Variants in GRAMD1A observed in about 807,000 individuals in gnomAD.
The protein encoded by GRAMD1A is GRAM domain containing 1A.
Under a neutral mutation model 92.0 loss-of-function variants are expected in GRAMD1A, and 50 were observed. The ratio of observed to expected loss-of-function variants is 0.54; its 90% CI spans 0.43 to 0.69. GRAMD1A has a LOEUF of 0.69. Ranked by LOEUF, GRAMD1A falls within the 30% of genes least tolerant of loss-of-function variation. The probability of loss-of-function intolerance (pLI) is 0.00; values close to 1 mark genes in which losing one functional copy is unlikely to be tolerated. For synonymous variants in GRAMD1A, 405 were observed against 403.6 expected (o/e 1.00, Z -0.04); for missense variants, 819 against 978.9 (o/e 0.84, Z 2.18).
upstream of GRAMD1A, among the ~76,000 whole-genome samples, chr19:34,997,354 G>A (rs1467905289): frequency 2.2e-5 from 3 of 136,966 alleles, no homozygotes; most frequent in African/African-American, 8.2e-5. Flanking sequence ...CCATGTGAAA[G>A]GTATTTCCTG....
chr19:35,007,480 C>A (rs1168720728), intron 1 of GRAMD1A, among the ~76,000 whole-genome samples: 1 of 152,130 alleles, frequency 6.6e-6, no homozygotes, highest in East Asian at 1.9e-4. Flanking sequence ...ATCGCTTGAA[C>A]CTGGGAGGTG....
chr19:34,995,162 CTCTG>C (rs1396011272), intron 1 of GRAMD1A, among the ~76,000 whole-genome samples: 1 of 152,364 alleles, frequency 6.6e-6, no homozygotes, highest in African/African-American at 2.4e-5. Flanking sequence ...GATTCGGCCT[CTCTG>C]TCTGTCCGGC....
At chr19:35,005,352 T>G (rs2014731350) in intron 1 of GRAMD1A, among the ~76,000 whole-genome samples, 1 of 150,940 alleles carries the variant, frequency 6.6e-6, no homozygotes, top group Non-Finnish European at 1.5e-5. Flanking sequence ...AGGGAAGGTG[T>G]CCACTGAGCA....
In GRAMD1A at chr19:35,015,845, C is replaced by T. The variant is rs2015585398; in HGVS notation, c.1091C>T (p.Pro364Leu). 3 of 1,613,910 alleles carry T rather than the reference C, an allele frequency of 1.9e-6. No homozygotes were observed. The highest frequency in any genetic ancestry group is 2.7e-5 in the African/African-American group (2 of 74,924). ...GEEADLAALLPDLSGRLLINS... is the reference protein window; with the variant it reads ...GEEADLAALLLDLSGRLLINS... Reference sequence around the variant, plus strand: ...CCAGCGGACTTGGCTGCCCTGCTTCCCGACCTCTCCGGCCGCCTCCTCATC... The same window carrying T: ...CCAGCGGACTTGGCTGCCCTGCTTCTCGACCTCTCCGGCCGCCTCCTCATC... Residue 364 changes from proline to leucine, a missense_variant, in exon 11 of 20, where the codon CCC becomes CTC. Around this residue, in one of 3 missense-constraint regions of GRAMD1A, gnomAD observed 577 missense variants for 674.6 expected, o/e 0.86. Transcript: ENST00000317991.
chr19:35,013,402 G>C lies in GRAMD1A; in HGVS notation c.719+34G>C. The C allele has an allele frequency of 6.6e-7, 1 of 1,509,750 alleles. No individual in the cohort carries two copies. The highest frequency in any genetic ancestry group is 9.1e-7 in the Non-Finnish European group (1 of 1,099,192). The allele number at this position is 1,509,750 out of a possible 1,614,324, so 93.5% of individuals were successfully genotyped here. Reference sequence around the variant, plus strand: ...GAGGTCAAAGGAGGTTGAAGGGTTCGGGGGAGAACAGGACGGTCGGCGTGC... The same window carrying C: ...GAGGTCAAAGGAGGTTGAAGGGTTCCGGGGAGAACAGGACGGTCGGCGTGC... On this transcript the variant is annotated intron_variant, in intron 8 of 19. Coordinates refer to ENST00000317991, the MANE Select transcript of GRAMD1A (RefSeq NM_020895.5). The surrounding 1 kb of genome is among the most constrained non-coding windows in gnomAD (Gnocchi z 4.9).
At chr19:34,999,267 ACT>A (rs1342240549), upstream of GRAMD1A, 4 of 151,992 alleles carry the variant, frequency 2.6e-5, no homozygotes, top group Non-Finnish European at 5.9e-5. Flanking sequence ...GTCAGAAAAG[ACT>A]CTGAAGTTCT....
upstream of GRAMD1A, among the ~76,000 whole-genome samples, chr19:34,996,803 CAAAA>C (rs944025116): frequency 3.3e-5 from 2 of 60,460 alleles, no homozygotes; most frequent in Non-Finnish European, 3.6e-5. Context: ...GACTCTGTCT[CAAAA>C]AAAAAAAAAA....
chr19:35,019,293 C>A lies in GRAMD1A; in HGVS notation c.1316C>A (p.Ser439Tyr). Residue 439 changes from serine (S) to tyrosine (Y), a missense_variant, in exon 12 of 20, where the codon TCC becomes TAC. Physicochemically the swap from Ser to Tyr is moderately radical, Grantham distance 144 (BLOSUM62 -2). Coordinates refer to ENST00000317991, the MANE Select transcript of GRAMD1A (RefSeq NM_020895.5). ...AACCCACTGGGCCCCAAGAGCGCCTCCGTGGTGGAGACACAGGTGGGCCAG... is the reference window on the plus strand; with the variant it reads ...AACCCACTGGGCCCCAAGAGCGCCTACGTGGTGGAGACACAGGTGGGCCAG... ...ISNPLGPKSASVVETQTLFRR... is the reference protein window; with the variant it reads ...ISNPLGPKSAYVVETQTLFRR... 6.2e-7 allele frequency: 1 copy of A among 1,613,282 alleles called. No homozygotes were observed. The highest frequency in any genetic ancestry group is 8.5e-7 in the Non-Finnish European group (1 of 1,179,524).
intron 6 of GRAMD1A, 139 bp downstream of exon 6, chr19:35,010,518 G>C: frequency 4.5e-6 from 3 of 659,744 alleles, no homozygotes; most frequent in Non-Finnish European, 8.2e-6. Context: ...CGGCCCAGGC[G>C]CCCATCACCC....
Position 35,013,458 on chromosome 19 carries a change from T to G in GRAMD1A, c.720-83T>G. ...TCCTGGAGTGCTGGGGGGCCTGAGA[T>G]GGTTGTATGACGTCTGGAGGATTCA... is the stretch of plus-strand genomic sequence containing the variant. On this transcript the variant is annotated intron_variant, in intron 8 of 19. Coordinates refer to ENST00000317991, the MANE Select transcript of GRAMD1A (RefSeq NM_020895.5). This position sits in a 1 kb window ranked among gnomAD's most constrained non-coding sequence, Gnocchi z 4.9. 1 of 1,531,544 alleles carries G rather than the reference T, an allele frequency of 6.5e-7. No homozygotes were observed. Among genetic ancestry groups the G allele is most frequent in the Non-Finnish European group, 9.0e-7 (1 of 1,110,832 alleles). The allele number at this position is 1,531,544 out of a possible 1,614,324, so 94.9% of individuals were successfully genotyped here. A position where few individuals can be genotyped will look rare whatever the true frequency, so the allele number is the denominator to read the frequency against.
At chr19:35,011,751 A>T (rs1445050096) in intron 7 of GRAMD1A, among the ~76,000 whole-genome samples, 197 bp downstream of exon 7, 1 of 152,198 alleles carries the variant, frequency 6.6e-6, no homozygotes, top group Non-Finnish European at 1.5e-5. Flanking sequence ...AATTGGTGTA[A>T]ACCGTCGTAA....
In GRAMD1A at chr19:35,019,528, G is replaced by A. The variant is rs751796956; in HGVS notation, c.1470G>A (p.Arg490=). ...CILGLARNKA[R]LRVSSEIRYR... ...TGGGTCTGGCCCGGAACAAGGCGCG[G>A]CTCCGGTGAGTGGTGGCTGGGCCCC... The change falls in exon 13 of 20, where the codon CGG becomes CGA. Residue 490 remains arginine, a synonymous_variant. Coordinates refer to ENST00000317991, the MANE Select transcript of GRAMD1A (RefSeq NM_020895.5). 7.4e-6 allele frequency: 12 copies of A among 1,613,752 alleles called. No individual in the cohort carries two copies. Among genetic ancestry groups the A allele is most frequent in the Admixed American group, 1.7e-5 (1 of 60,000 alleles).
intron 1 of GRAMD1A, among the ~76,000 whole-genome samples, chr19:35,008,329 T>TTAAAA (rs906346285): frequency 4.0e-5 from 6 of 151,634 alleles, no homozygotes; most frequent in South Asian, 2.1e-4. Flanking sequence ...AGATTCCGTC[T>TTAAAA]TAAAATAAAA....
chr19:35,014,069 C>G, intron 9 of GRAMD1A, 120 bp from the exon 10 acceptor site: 1 of 942,458 alleles, frequency 1.1e-6, no homozygotes, highest in Non-Finnish European at 1.7e-6. Flanking sequence ...GCCGTGAGCC[C>G]TCGGTGCACA....
In GRAMD1A at chr19:35,021,983, G is replaced by A. The variant is rs1014196223; in HGVS notation, c.1786G>A (p.Val596Met). The change falls in exon 16 of 20, where the codon GTG becomes ATG. Residue 596 changes from valine (V) to methionine (M), a missense_variant. By Grantham distance (21) the Val-to-Met change is conservative. Transcript: ENST00000317991. The surrounding 1 kb of genome is among the most constrained non-coding windows in gnomAD (Gnocchi z 5.3). Reference sequence around the variant, plus strand: ...CAGCTCCCGCTTCTCCGAACCATCTGTGGACCAGGGCCCCGGGGCAGGCAT... The same window carrying A: ...CAGCTCCCGCTTCTCCGAACCATCTATGGACCAGGGCCCCGGGGCAGGCAT... Reference protein sequence around the residue: ...SLSSRFSEPSVDQGPGAGIPS... With the variant: ...SLSSRFSEPSMDQGPGAGIPS... The A allele has an allele frequency of 6.2e-7, 1 of 1,614,130 alleles. No individual in the cohort carries two copies. Among genetic ancestry groups the A allele is most frequent in the East Asian group, 2.2e-5 (1 of 44,874 alleles).
At chr19:35,002,251 G>A (rs965349005) in intron 1 of GRAMD1A, among the ~76,000 whole-genome samples, 2 of 152,020 alleles carry the variant, frequency 1.3e-5, no homozygotes, top group Admixed American at 6.6e-5. Flanking sequence ...CATGTGCCAC[G>A]CATTATTCCA....
At chr19:35,014,107 G>C (rs1334735082) in intron 9 of GRAMD1A, 82 bp from the exon 10 acceptor site, 1 of 1,315,576 alleles carries the variant, frequency 7.6e-7, no homozygotes, top group Non-Finnish European at 1.1e-6. Context: ...ACAGGCTCTG[G>C]AATCCTTGTG....
upstream of GRAMD1A, among the ~76,000 whole-genome samples, chr19:34,997,919 T>C (rs929950805): frequency 6.6e-6 from 1 of 151,418 alleles, no homozygotes; most frequent in Non-Finnish European, 1.5e-5. Flanking sequence ...AATACAAAAA[T>C]TAGCCAGGCA....
At position 35,009,230 on chromosome 19, in the gene GRAMD1A, G is replaced by A. The variant is rs762779764; in HGVS notation, c.120G>A (p.Met40Ile). ...RPPPEPEPGT[M>I]VEKGSDSSSE... ...CACCTGAGCCAGAACCAGGCACCAT[G>A]GTGGAGAAGGGATCAGATAGCTCCT... The change falls in exon 2 of 20, where the codon ATG becomes ATA. Residue 40 changes from methionine (M) to isoleucine (I), a missense_variant. Transcript: ENST00000317991. 5 of 1,613,794 alleles carry A rather than the reference G, an allele frequency of 3.1e-6. No homozygotes were observed. Among genetic ancestry groups the A allele is most frequent in the Non-Finnish European group, 1.7e-6 (2 of 1,179,796 alleles).
Sources: allele counts gnomAD v4.1 joint callset (sites outside exome capture counted in the v4.1 genomes callset), GRCh38; gene constraint gnomAD v4.1.1; regional missense constraint gnomAD v4.1.1; non-coding constraint Gnocchi (gnomAD v3.1); transcripts MANE v1.5; gene names NCBI Gene and HGNC (gene_info 2026-07-23, HGNC 2026-07-21).